FRY: variants seen among roughly 807,000 people sequenced by gnomAD.
FRY encodes FRY microtubule binding protein.
In FRY, 128 loss-of-function variants were observed where a neutral mutation model predicts 348.4. That is an observed-to-expected ratio of 0.37 (90% CI 0.32 to 0.43). The LOEUF (loss-of-function observed/expected upper bound fraction) is 0.43. FRY is among the 20% of genes least tolerant of loss of function. FRY has a pLI of 1.00. For synonymous variants in FRY, 1,370 were observed against 1,374.7 expected (o/e 1.00, Z 0.08); for missense variants, 2,736 against 3,695.2 (o/e 0.74, Z 6.73).
intron 10 of FRY, among the ~76,000 whole-genome samples, chr13:32,136,240 T>C (rs1291510398): frequency 1.3e-5 from 2 of 152,208 alleles, no homozygotes; most frequent in Non-Finnish European, 2.9e-5. Context: ...TTACCTTTGC[T>C]GTCTTCTCAA....
At chr13:32,289,547 A>T in intron 58 of FRY, 86 bp from the exon 59 acceptor site, 1 of 798,150 alleles carries the variant, frequency 1.3e-6, no homozygotes, top group Non-Finnish European at 2.2e-6. Context: ...TTTAAAAAAA[A>T]AGTTTGTCTC....
intron 2 of FRY, among the ~76,000 whole-genome samples, chr13:32,090,446 T>C (rs369217221): frequency 6.6e-6 from 1 of 150,806 alleles, no homozygotes; most frequent in Non-Finnish European, 1.5e-5. Flanking sequence ...TGTTGATAGC[T>C]GAGAGAAAGA....
chr13:32,276,246 A>G (rs1335940468), intron 56 of FRY, among the ~76,000 whole-genome samples: 1 of 152,236 alleles, frequency 6.6e-6, no homozygotes, highest in African/African-American at 2.4e-5. Context: ...AATATGGGAA[A>G]GAATGGACGT....
chr13:32,245,265 C>A (rs945037408), intron 47 of FRY, among the ~76,000 whole-genome samples: 5 of 151,754 alleles, frequency 3.3e-5, no homozygotes, highest in African/African-American at 9.7e-5. Context: ...TTCTTAAAGC[C>A]GTACTCTGAG....
At chr13:32,263,029 G>C (rs1338392938) in intron 53 of FRY, among the ~76,000 whole-genome samples, 1 of 152,132 alleles carries the variant, frequency 6.6e-6, no homozygotes, top group Non-Finnish European at 1.5e-5. Context: ...ACTAATGGAT[G>C]TAATTTTCTT....
At chr13:32,047,220 A>G (rs1468260383) in intron 1 of FRY, among the ~76,000 whole-genome samples, 1 of 152,246 alleles carries the variant, frequency 6.6e-6, no homozygotes, top group African/African-American at 2.4e-5. Flanking sequence ...CATTGTTATT[A>G]GTAATTTGCC....
At chr13:32,066,152 C>T (rs981180568) in intron 1 of FRY, among the ~76,000 whole-genome samples, 13 of 152,288 alleles carry the variant, frequency 8.5e-5, no homozygotes, top group Admixed American at 2.0e-4. Flanking sequence ...ACAAGGTCCA[C>T]GTATTACATT....
intron 4 of FRY, among the ~76,000 whole-genome samples, chr13:32,120,788 A>G (rs903687933): frequency 2.0e-5 from 3 of 152,172 alleles, no homozygotes; most frequent in Admixed American, 6.5e-5. Context: ...CAGCCTCCCA[A>G]GTAGCTGGAA....
At chr13:32,084,398 C>G (rs1875715049) in intron 2 of FRY, among the ~76,000 whole-genome samples, 1 of 152,136 alleles carries the variant, frequency 6.6e-6, no homozygotes. Flanking sequence ...CCTTTATGAA[C>G]CCAGGTTTCT....
At chr13:32,075,958 C>A (rs574681861) in intron 1 of FRY, among the ~76,000 whole-genome samples, 1 of 152,176 alleles carries the variant, frequency 6.6e-6, no homozygotes, top group Non-Finnish European at 1.5e-5. Flanking sequence ...ATAGTTTTAT[C>A]TTTTTCAATA....
chr13:32,253,900 CA>C (rs1306278591), intron 50 of FRY, among the ~76,000 whole-genome samples: 6 of 151,960 alleles, frequency 3.9e-5, no homozygotes, highest in Non-Finnish European at 4.4e-5. Context: ...AGTTCAGAAA[CA>C]GTGGAACATT....
chr13:32,157,219 G>A, intron 15 of FRY, 54 bp from the exon 16 acceptor site: 1 of 1,523,830 alleles, frequency 6.6e-7, no homozygotes, highest in Non-Finnish European at 9.1e-7. Context: ...GAATAAATCA[G>A]GATATCCTTT....
At chr13:32,038,952 C>T (rs1872650019) in intron 1 of FRY, among the ~76,000 whole-genome samples, 1 of 152,174 alleles carries the variant, frequency 6.6e-6, no homozygotes, top group Non-Finnish European at 1.5e-5. Flanking sequence ...GCTCTCAGAG[C>T]TTCCTTTCCT....
rs146870834 is a variant in FRY, at chr13:32,153,042, C to T, written c.1480-2449C>T. ...GTCATTAAGGAAATTCAATTTAAAA[C>T]CGAAACGAGATGTACTGGGGAAGAT... On this transcript the variant is annotated intron_variant, in intron 14 of 60. Coordinates refer to ENST00000542859, the MANE Select transcript of FRY (RefSeq NM_023037.3). 2.8e-3 allele frequency among the ~76,000 whole-genome samples: 428 copies of T among 152,184 alleles called. 1 individual carries two copies. The highest frequency in any genetic ancestry group is 9.9e-3 in the African/African-American group (410 of 41,530).
chr13:32,241,909 T>G (rs550294242), intron 46 of FRY, among the ~76,000 whole-genome samples: 2 of 152,318 alleles, frequency 1.3e-5, no homozygotes, highest in African/African-American at 4.8e-5. Context: ...AATTACACAT[T>G]CTTTCAGGTC....
chr13:32,211,932 C>G (rs1277029785), intron 34 of FRY, among the ~76,000 whole-genome samples: 1 of 152,166 alleles, frequency 6.6e-6, no homozygotes, highest in African/African-American at 2.4e-5. Context: ...GGCCTTACTT[C>G]ACTAGCATTA....
intron 1 of FRY, among the ~76,000 whole-genome samples, chr13:32,036,952 C>T (rs1287663923): frequency 6.6e-6 from 1 of 151,734 alleles, no homozygotes; most frequent in Non-Finnish European, 1.5e-5. Context: ...GATGTCCCTG[C>T]CAGTTCTTAG....
chr13:32,289,635 A>G lies in FRY; in HGVS notation c.8472A>G (p.Gln2824=). The G allele has an allele frequency of 6.4e-7, 1 of 1,563,442 alleles. No individual in the cohort carries two copies. Among genetic ancestry groups the G allele is most frequent in the Non-Finnish European group, 8.8e-7 (1 of 1,133,852 alleles). ...TCCCATGCAATTTCTCTCTTTAGCAATTGGAACTGTGTCAGAGATTATATA... is the reference window on the plus strand; with the variant it reads ...TCCCATGCAATTTCTCTCTTTAGCAGTTGGAACTGTGTCAGAGATTATATA... ...TCQPGDSEEK[Q]LELCQRLYKL... Residue 2824 remains glutamine (Q), a splice_region_variant and synonymous_variant, in exon 59 of 61, where the codon CAA becomes CAG. Transcript: ENST00000542859.
At chr13:32,168,219 A>C (rs539016404) in intron 17 of FRY, among the ~76,000 whole-genome samples, 30 of 152,194 alleles carry the variant, frequency 2.0e-4, no homozygotes, top group Non-Finnish European at 3.4e-4. Context: ...GTTTGAATCC[A>C]AACACAGTCT....
Sources: allele counts gnomAD v4.1 joint callset (sites outside exome capture counted in the v4.1 genomes callset), GRCh38; gene constraint gnomAD v4.1.1; transcripts MANE v1.5; gene names NCBI Gene and HGNC (gene_info 2026-07-23, HGNC 2026-07-21).